The following LRGUK variants were observed in gnomAD, a reference collection of about 807,000 sequenced individuals.
LRGUK encodes the protein leucine-rich repeat and guanylate kinase domain-containing protein.
A neutral mutation model predicts 76.0 loss-of-function variants in LRGUK; 65 were observed. The observed-to-expected ratio is 0.85, with a 90% confidence interval of 0.70 to 1.05. The LOEUF is 1.05. LRGUK is among the 50% of genes least tolerant of loss of function. The pLI is 0.00. For synonymous variants in LRGUK, 268 were observed against 265.6 expected (o/e 1.01, Z -0.09); for missense variants, 758 against 732.8 (o/e 1.03, Z -0.40).
intron 5 of LRGUK, among the ~76,000 whole-genome samples, chr7:134,150,779 G>T (rs1248515444): frequency 6.6e-6 from 1 of 151,582 alleles, no homozygotes; most frequent in Admixed American, 6.6e-5. Context: ...AAAAACTAAA[G>T]TATCATGACT....
chr7:134,148,061 CAAAAAAA>C (rs10556613), intron 4 of LRGUK, among the ~76,000 whole-genome samples, 170 bp from the exon 5 acceptor site: 1 of 123,216 alleles, frequency 8.1e-6, no homozygotes, highest in African/African-American at 3.1e-5. Flanking sequence ...GACTCCTTTT[CAAAAAAA>C]AAAAAAAAAA....
At chr7:134,182,356 G>C (rs1799791768) in intron 10 of LRGUK, among the ~76,000 whole-genome samples, 1 of 152,160 alleles carries the variant, frequency 6.6e-6, no homozygotes, top group South Asian at 2.1e-4. Flanking sequence ...CAGGCTGCCT[G>C]CTCTTGGCAG....
chr7:134,128,882 G>A (rs1277181572), intron 1 of LRGUK, among the ~76,000 whole-genome samples: 1 of 152,058 alleles, frequency 6.6e-6, no homozygotes, highest in Non-Finnish European at 1.5e-5. Flanking sequence ...TACACTGTTA[G>A]GTTCTTCTCT....
intron 5 of LRGUK, among the ~76,000 whole-genome samples, chr7:134,154,652 A>G (rs2116896054): frequency 1.3e-5 from 2 of 152,390 alleles, no homozygotes; most frequent in South Asian, 4.1e-4. Flanking sequence ...CATATTTCTC[A>G]ACAGAGATGT....
intron 2 of LRGUK, among the ~76,000 whole-genome samples, chr7:134,138,357 A>G (rs547352516): frequency 6.6e-6 from 1 of 152,170 alleles, no homozygotes; most frequent in Admixed American, 6.5e-5. Flanking sequence ...TGACTTAATA[A>G]CCTGTCTTAC....
In LRGUK at chr7:134,207,068, A is replaced by T. The variant is rs189305357; in HGVS notation, c.1844-1639A>T. Among the ~76,000 whole-genome samples, 15 of 152,354 alleles carry T rather than the reference A, an allele frequency of 9.8e-5. No homozygotes were observed. In the East Asian group the frequency reaches 2.3e-3, roughly 24 times the overall value. On this transcript the variant is annotated intron_variant, in intron 15 of 15. Coordinates refer to ENST00000645682, the Ensembl canonical transcript of LRGUK. ...TTATATATCTGATTACAGAAAACCA[A>T]GAGAGATTAAGGAGCAAAAGAAGCT...
chr7:134,202,764 A>G (rs1285300907), intron 15 of LRGUK, among the ~76,000 whole-genome samples: 2 of 152,198 alleles, frequency 1.3e-5, no homozygotes, highest in Non-Finnish European at 1.5e-5. Flanking sequence ...GCCAGAAAGT[A>G]GAACGGTAGT....
At chr7:134,177,428 T>C (rs1364452914) in intron 9 of LRGUK, among the ~76,000 whole-genome samples, 1 of 152,178 alleles carries the variant, frequency 6.6e-6, no homozygotes, top group Non-Finnish European at 1.5e-5. Context: ...AAAAATTCAT[T>C]TAACAATAAA....
intron 4 of LRGUK, among the ~76,000 whole-genome samples, chr7:134,147,521 C>G (rs1798025625): frequency 6.6e-6 from 1 of 150,994 alleles, no homozygotes; most frequent in Admixed American, 6.6e-5. Flanking sequence ...GAACAGGAAA[C>G]AAGATATGCA....
At chr7:134,276,366 C>T in the LRGUK span, among the ~76,000 whole-genome samples, 1 of 152,172 alleles carries the variant, frequency 6.6e-6, no homozygotes. Flanking sequence ...AGTTCAAATC[C>T]TGGTTCAGCC....
chr7:134,263,986 G>A, exon 20 of LRGUK: 2 of 1,601,954 alleles, frequency 1.2e-6, no homozygotes, highest in Non-Finnish European at 1.7e-6. Context: ...ACTAGCACTT[G>A]ATGTCTGATC....
rs1802054567 is a variant in LRGUK, at chr7:134,238,036, A to AT, written c.1984-9514dup. Among the ~76,000 whole-genome samples, 3 of 152,262 alleles carry AT rather than the reference A, an allele frequency of 2.0e-5. No individual in the cohort carries two copies. In the South Asian group the frequency reaches 6.2e-4, roughly 32 times the overall value. On this transcript the variant is annotated intron_variant, in intron 16 of 19. Coordinates refer to the LRGUK transcript ENST00000285928. ...TGAAAACCAAAAAATAGTTAAAAAC[A>AT]TTTTTTACAAATGTTCTCCCCCCCA...
intron 15 of LRGUK, among the ~76,000 whole-genome samples, chr7:134,217,462 A>G (rs1801465566): frequency 6.6e-6 from 1 of 152,196 alleles, no homozygotes; most frequent in Non-Finnish European, 1.5e-5. Context: ...TTTCCCATAT[A>G]TAACATGACT....
exon 8 of LRGUK, chr7:134,174,625 A>T: frequency 1.9e-6 from 3 of 1,586,272 alleles, no homozygotes; most frequent in Non-Finnish European, 2.6e-6. Context: ...TCTTCTAGAA[A>T]ATCCAATTCA....
intron 8 of LRGUK, 64 bp from the exon 9 acceptor site, chr7:134,176,913 T>A (rs1799504182): frequency 3.2e-6 from 3 of 945,796 alleles, no homozygotes; most frequent in Non-Finnish European, 5.0e-6. Context: ...GAAAACCCAA[T>A]GCTGGTGCTT....
chr7:134,248,919 G>GTTTT, intron 17 of LRGUK, 32 bp from the exon 18 acceptor site: 27 of 1,199,410 alleles, frequency 2.3e-5, no homozygotes, highest in South Asian at 8.7e-5. Flanking sequence ...AAATCCTTTG[G>GTTTT]TTTTTTTTTT....
At chr7:134,247,755 A>C (rs1802344305) in intron 17 of LRGUK, 111 bp downstream of exon 17, 1 of 727,336 alleles carries the variant, frequency 1.4e-6, no homozygotes, top group African/African-American at 1.8e-5. Flanking sequence ...AAATGGACCC[A>C]GTGTTTCAGC....
At chr7:134,159,040 T>C (rs905361895) in intron 6 of LRGUK, among the ~76,000 whole-genome samples, 1 of 152,154 alleles carries the variant, frequency 6.6e-6, no homozygotes, top group African/African-American at 2.4e-5. Context: ...AAACTGTTGC[T>C]TGAAATGACA....
At chr7:134,195,131 G>A (rs1800426566) in intron 12 of LRGUK, among the ~76,000 whole-genome samples, 1 of 152,148 alleles carries the variant, frequency 6.6e-6, no homozygotes, top group Non-Finnish European at 1.5e-5. Context: ...AGATGAGCCA[G>A]TTTATCGATC....
Sources: allele counts gnomAD v4.1 joint callset (sites outside exome capture counted in the v4.1 genomes callset), GRCh38; gene constraint gnomAD v4.1.1; transcripts MANE v1.5; gene names NCBI Gene and HGNC (gene_info 2026-07-23, HGNC 2026-07-21).